The following ASIC5 variants were observed in gnomAD, a reference collection of about 807,000 sequenced individuals.
ASIC5 encodes the protein acid sensing ion channel subunit family member 5, also known as bile acid-sensitive ion channel.
ASIC5 carries 52 observed loss-of-function variants against 51.2 expected under a neutral mutation model. The ratio of observed to expected loss-of-function variants is 1.02; its 90% confidence interval spans 0.81 to 1.28. The LOEUF (loss-of-function observed/expected upper bound fraction) is 1.28. Among genes scored for constraint, ASIC5 ranks in the 50% most tolerant of loss-of-function variants. ASIC5 has a pLI of 0.00. For missense variants in ASIC5, 635 were observed against 595.0 expected (o/e 1.07, Z -0.70); for synonymous variants, 231 against 200.7 (o/e 1.15, Z -1.28).
chr4:155,857,986 G>A (rs904829899), intron 2 of ASIC5, among the ~76,000 whole-genome samples: 2 of 152,012 alleles, frequency 1.3e-5, no homozygotes, highest in African/African-American at 4.8e-5. Flanking sequence ...TAAACATGAA[G>A]ACCCAATATA....
chr4:155,830,182 A>T, intron 9 of ASIC5, 136 bp from the exon 10 acceptor site: 1 of 587,164 alleles, frequency 1.7e-6, no homozygotes, highest in East Asian at 3.1e-5. Flanking sequence ...TTAACATTTG[A>T]TATGAATAAG....
chr4:155,865,683 T>A (rs200979053), intron 1 of ASIC5, among the ~76,000 whole-genome samples: 1 of 1,572 alleles, frequency 6.4e-4, no homozygotes, highest in African/African-American at 8.7e-4. Context: ...TTTAATAGAG[T>A]TTTTTTTATT....
At chr4:155,843,581 T>G in intron 5 of ASIC5, 100 bp downstream of exon 5, 1 of 1,347,138 alleles carries the variant, frequency 7.4e-7, no homozygotes, top group Non-Finnish European at 1.0e-6. Context: ...TCTAATGGTG[T>G]TTTACAGGCA....
intron 8 of ASIC5, among the ~76,000 whole-genome samples, chr4:155,835,865 C>T (rs936238444): frequency 6.6e-5 from 10 of 152,180 alleles, no homozygotes; most frequent in Admixed American, 6.5e-4. Flanking sequence ...ACAAGGCTAA[C>T]ATTGGAATCT....
At chr4:155,853,373 C>A (rs1741430230) in intron 3 of ASIC5, among the ~76,000 whole-genome samples, 1 of 151,902 alleles carries the variant, frequency 6.6e-6, no homozygotes, top group African/African-American at 2.4e-5. Flanking sequence ...CCTAACAACA[C>A]AGGCTACAGA....
chr4:155,847,065 T>A (rs781591906), intron 4 of ASIC5, among the ~76,000 whole-genome samples: 4 of 152,046 alleles, frequency 2.6e-5, no homozygotes, highest in Non-Finnish European at 5.9e-5. Flanking sequence ...AATGACTGGT[T>A]GTTTAAGAAA....
chr4:155,845,925 T>C (rs2111244787), intron 4 of ASIC5, among the ~76,000 whole-genome samples: 1 of 152,078 alleles, frequency 6.6e-6, no homozygotes, highest in South Asian at 2.1e-4. Flanking sequence ...ATGTCTAAGA[T>C]AGGAAAAAAA....
At chr4:155,830,344 A>T (rs1740846645) in intron 9 of ASIC5, among the ~76,000 whole-genome samples, 1 of 152,170 alleles carries the variant, frequency 6.6e-6, no homozygotes, top group African/African-American at 2.4e-5. Context: ...ATTCTAGATA[A>T]TTACAAACTC....
chr4:155,852,393 T>A, intron 3 of ASIC5, 77 bp from the exon 4 acceptor site: 2 of 1,333,234 alleles, frequency 1.5e-6, no homozygotes, highest in Admixed American at 2.6e-5. Context: ...ATAACCTTTT[T>A]TTTTAAAGCA....
chr4:155,836,669 T>C lies in ASIC5; in HGVS notation c.1235+20A>G. The C allele has an allele frequency of 2.0e-6, 3 of 1,486,536 alleles. No individual in the cohort carries two copies. The highest frequency in any genetic ancestry group is 1.8e-6 in the Non-Finnish European group (2 of 1,097,312). 92.1% of individuals were successfully genotyped at this position (1,486,536 alleles called of 1,614,324 possible). ...AAATCTATGTTAATTATCAATAATT[T>C]AAAAGGCTAGTAAGGTTACCTGATG... On this transcript the variant is annotated intron_variant, in intron 8 of 9. Transcript: ENST00000537611.
At position 155,866,106 on chromosome 4, in the gene ASIC5, GA is replaced by G. The variant is rs922203445; in HGVS notation, c.40+80del. The G allele has an allele frequency of 1.3e-4, 114 of 853,290 alleles. No individual in the cohort carries two copies. In the Admixed American group the frequency reaches 2.1e-3, roughly 16 times the overall value. 52.9% of individuals were successfully genotyped at this position (853,290 alleles called of 1,614,324 possible). On this transcript the variant is annotated intron_variant, in intron 1 of 9. Coordinates refer to ENST00000537611, the MANE Select transcript of ASIC5 (RefSeq NM_017419.3). ...TTGGAAATCAAATTTCCCAAATGAA[GA>G]AAAAAAATCTCTCTTTTCTTACTTC... is the stretch of plus-strand genomic sequence containing the variant.
intron 2 of ASIC5, among the ~76,000 whole-genome samples, chr4:155,856,888 A>G (rs1741556044): frequency 6.6e-6 from 1 of 152,076 alleles, no homozygotes; most frequent in South Asian, 2.1e-4. Context: ...TAAAGGAATT[A>G]CTATACATAT....
chr4:155,840,926 G>T (rs6826960), intron 6 of ASIC5, among the ~76,000 whole-genome samples: 1,915 of 151,662 alleles, frequency 0.013, 35 homozygotes, highest in African/African-American at 0.041. Flanking sequence ...CTGGTTTTGT[G>T]ACCCCTACCC....
chr4:155,846,117 AGAC>A (rs1741237061), intron 4 of ASIC5, among the ~76,000 whole-genome samples: 1 of 149,622 alleles, frequency 6.7e-6, no homozygotes, highest in Admixed American at 6.6e-5. Context: ...AAAAAAGAAA[AGAC>A]AGTTCAAATT....
chr4:155,835,918 G>T (rs939209277), intron 8 of ASIC5, among the ~76,000 whole-genome samples: 1 of 152,036 alleles, frequency 6.6e-6, no homozygotes, highest in African/African-American at 2.4e-5. Flanking sequence ...GAAAATGTAC[G>T]TCAACCTTAA....
chr4:155,830,088 TA>T (rs1297688880), intron 9 of ASIC5, 42 bp from the exon 10 acceptor site: 1 of 1,362,604 alleles, frequency 7.3e-7, no homozygotes, highest in African/African-American at 1.5e-5. Context: ...TTATTTTTCA[TA>T]AAAAACAAAT....
At chr4:155,833,426 A>G (rs1258405714) in intron 8 of ASIC5, among the ~76,000 whole-genome samples, 1 of 152,232 alleles carries the variant, frequency 6.6e-6, no homozygotes, top group East Asian at 1.9e-4. Flanking sequence ...TTTGAAATCA[A>G]TAATTCCAAA....
chr4:155,846,658 A>T (rs116743403), intron 4 of ASIC5, among the ~76,000 whole-genome samples: 2,488 of 152,238 alleles, frequency 0.016, 58 homozygotes, highest in African/African-American at 0.056. Context: ...TGGCAGTTTC[A>T]TAACTTTAAA....
intron 8 of ASIC5, 120 bp from the exon 9 acceptor site, chr4:155,832,035 A>T: frequency 1.8e-6 from 1 of 545,720 alleles, no homozygotes; most frequent in Admixed American, 3.0e-5. Flanking sequence ...ACTGACACAG[A>T]ATTGTTAATA....
Sources: gnomAD v4.1 joint callset for allele counts (sites outside exome capture counted in the v4.1 genomes callset) on GRCh38, gnomAD v4.1.1 for gene constraint, MANE v1.5 for transcripts, NCBI Gene and HGNC (gene_info 2026-07-23, HGNC 2026-07-21) for gene names.